Variants in TOGARAM2 observed in about 807,000 individuals in gnomAD.
TOGARAM2 encodes the protein TOG array regulator of axonemal microtubules 2, also known as TOG array regulator of axonemal microtubules protein 2.
In TOGARAM2, 85 loss-of-function variants were observed where a neutral mutation model predicts 93.3. The observed-to-expected ratio is 0.91, with a 90% confidence interval of 0.76 to 1.09. The LOEUF is 1.09. TOGARAM2 is among the 50% of genes least tolerant of loss of function. TOGARAM2 has a pLI of 0.00. For synonymous variants in TOGARAM2, 593 were observed against 552.8 expected, an observed-to-expected ratio of 1.07 and a Z score of -1.02; for missense variants, 1,277 against 1,334.5, an observed-to-expected ratio of 0.96 and a Z score of 0.67.
chr2:29,023,194 GA>G lies in TOGARAM2; in HGVS notation c.1617+4del. 6.3e-7 allele frequency: 1 copy of G among 1,577,400 alleles called. No homozygotes were observed. On this transcript the variant is annotated splice_donor_region_variant and intron_variant, in intron 12 of 19. Coordinates refer to ENST00000379558, the MANE Select transcript of TOGARAM2 (RefSeq NM_199280.4). ...TGTGCTTGGTGGTGACTGGGGAGGT[GA>G]GGCCCCCCAGCCTGTGTGCTGTGCA...
Position 29,036,755 on chromosome 2 carries a change from T to A in TOGARAM2, c.2633T>A (p.Leu878Gln). The A allele has an allele frequency of 1.2e-6, 2 of 1,611,842 alleles. No individual in the cohort carries two copies. Among genetic ancestry groups the A allele is most frequent in the South Asian group, 2.2e-5 (2 of 90,586 alleles). ...VAVLDAMVES[L>Q]DNLCLLPALA... ...GTGCTGGATGCGATGGTTGAGAGCCTGGGTGAGTGTCCCACGTGGGCCTGT... is the reference window on the plus strand; with the variant it reads ...GTGCTGGATGCGATGGTTGAGAGCCAGGGTGAGTGTCCCACGTGGGCCTGT... The change falls in exon 18 of 20, where the codon CTG becomes CAG. Residue 878 changes from leucine (L) to glutamine (Q), a missense_variant and splice_region_variant. Coordinates refer to ENST00000379558, the MANE Select transcript of TOGARAM2 (RefSeq NM_199280.4).
At chr2:29,036,511 A>G (rs1351368030) in intron 17 of TOGARAM2, 30 bp from the exon 18 acceptor site, 5 of 1,612,120 alleles carry the variant, frequency 3.1e-6, no homozygotes, top group East Asian at 2.2e-5. Context: ...CTGGGTTCCC[A>G]TGGGCTCTTG....
At chr2:28,958,437 C>G (rs1480493805) in intron 1 of TOGARAM2, among the ~76,000 whole-genome samples, 1 of 151,978 alleles carries the variant, frequency 6.6e-6, no homozygotes, top group Non-Finnish European at 1.5e-5. Context: ...TCCCGAGTAG[C>G]TGGGACTATG....
At chr2:29,035,756 C>G in intron 17 of TOGARAM2, 100 bp downstream of exon 17, 1 of 1,172,296 alleles carries the variant, frequency 8.5e-7, no homozygotes, top group South Asian at 3.2e-5. Flanking sequence ...TGTCAGACCC[C>G]TTGCTATGCA....
chr2:29,008,657 A>G (rs775620812), intron 6 of TOGARAM2, among the ~76,000 whole-genome samples: 2 of 151,912 alleles, frequency 1.3e-5, no homozygotes, highest in Non-Finnish European at 2.9e-5. Flanking sequence ...GGCTTTCACC[A>G]TGTTGCCCAG....
At chr2:29,009,648 C>T (rs575719082) in intron 6 of TOGARAM2, among the ~76,000 whole-genome samples, 6 of 152,208 alleles carry the variant, frequency 3.9e-5, no homozygotes, top group African/African-American at 1.2e-4. Flanking sequence ...TACTGGCACC[C>T]TTCTTGGAGA....
Position 29,003,568 on chromosome 2 carries a change from C to A in TOGARAM2, c.716C>A (p.Pro239His). 2 of 1,595,964 alleles carry A rather than the reference C, an allele frequency of 1.3e-6. No individual in the cohort carries two copies. The highest frequency in any genetic ancestry group is 2.3e-5 in the South Asian group (2 of 87,664). ...QKSLGAIVIP[P>H]IPKARTVAAT... ...TCCCTGGGCGCCATCGTGATCCCAC[C>A]CATCCCAAAGGCCAGGACGGTTGCA... Residue 239 changes from proline to histidine, a missense_variant, in exon 6 of 20, where the codon CCC (proline) becomes CAC (histidine). Coordinates refer to ENST00000379558, the MANE Select transcript of TOGARAM2 (RefSeq NM_199280.4).
intron 1 of TOGARAM2, among the ~76,000 whole-genome samples, chr2:28,965,469 C>T (rs912489799): frequency 2.6e-5 from 4 of 152,272 alleles, no homozygotes; most frequent in South Asian, 2.1e-4. Context: ...TTATCATGTG[C>T]GTCGCCATGT....
intron 6 of TOGARAM2, 136 bp downstream of exon 6, chr2:29,003,818 C>G: frequency 1.2e-6 from 1 of 865,558 alleles, no homozygotes; most frequent in Non-Finnish European, 1.7e-6. Flanking sequence ...GGGCTGGGGG[C>G]TCCACCCATG....
At chr2:28,971,518 G>A (rs1002602030) in intron 1 of TOGARAM2, among the ~76,000 whole-genome samples, 18 of 152,176 alleles carry the variant, frequency 1.2e-4, no homozygotes, top group African/African-American at 4.3e-4. Context: ...AGCCGGTAAT[G>A]TATAGTCTCT....
intron 1 of TOGARAM2, among the ~76,000 whole-genome samples, chr2:28,963,731 A>T (rs1397168825): frequency 6.6e-6 from 1 of 152,082 alleles, no homozygotes; most frequent in African/African-American, 2.4e-5. Context: ...TACCTGGCCG[A>T]ATGCGGTGGC....
At chr2:28,957,383 G>A (rs544388745) in intron 1 of TOGARAM2, among the ~76,000 whole-genome samples, 333 of 152,214 alleles carry the variant, frequency 2.2e-3, no homozygotes, top group African/African-American at 7.5e-3. Context: ...GTTTCGCCAT[G>A]TTGGCCAGGC....
At chr2:29,005,492 TG>T (rs1673688017) in intron 6 of TOGARAM2, among the ~76,000 whole-genome samples, 1 of 41,936 alleles carries the variant, frequency 2.4e-5, no homozygotes, top group African/African-American at 4.8e-5. Flanking sequence ...TGTGCATGTG[TG>T]TGAGTGCATG....
At chr2:29,017,750 A>G in intron 9 of TOGARAM2, 42 bp from the exon 10 acceptor site, 3 of 1,531,550 alleles carry the variant, frequency 2.0e-6, no homozygotes, top group Non-Finnish European at 2.6e-6. Flanking sequence ...GGCCAGGGGA[A>G]AACAGACCTG....
At chr2:29,015,185 A>T (rs1664486368) in intron 8 of TOGARAM2, among the ~76,000 whole-genome samples, 3 of 142,048 alleles carry the variant, frequency 2.1e-5, no homozygotes. Context: ...TCTGTTAGAG[A>T]CTGGGTGACT....
chr2:29,036,527 T>G lies in TOGARAM2; in HGVS notation c.2419-14T>G, dbSNP rs750550479. On this transcript the variant is annotated splice_polypyrimidine_tract_variant and intron_variant, in intron 17 of 19. Transcript: ENST00000379558. Reference sequence around the variant, plus strand: ...TGGGTTCCCATGGGCTCTTGGTTTCTGTTTCTTCAATAGGTCTTTGATGCT... The same window carrying G: ...TGGGTTCCCATGGGCTCTTGGTTTCGGTTTCTTCAATAGGTCTTTGATGCT... 13 of 1,613,722 alleles carry G rather than the reference T, an allele frequency of 8.1e-6. No individual in the cohort carries two copies. The highest frequency in any genetic ancestry group is 1.1e-5 in the South Asian group (1 of 91,074).
At position 29,051,801 on chromosome 2, in the gene TOGARAM2, G is replaced by A. The variant is rs201289296; in HGVS notation, c.2768G>A (p.Arg923Gln). ...VYPRKPQAVERHVLPILWHFL... is the reference protein window; with the variant it reads ...VYPRKPQAVEQHVLPILWHFL... Reference sequence around the variant, plus strand: ...CCCCGGAAGCCTCAAGCTGTAGAGCGGCATGTCCTTCCCATCCTCTGGCAC... The same window carrying A: ...CCCCGGAAGCCTCAAGCTGTAGAGCAGCATGTCCTTCCCATCCTCTGGCAC... The change falls in exon 20 of 20, where the codon CGG (arginine) becomes CAG (glutamine). Residue 923 changes from arginine (R) to glutamine (Q), a missense_variant. Physicochemically the swap from Arg to Gln is conservative, Grantham distance 43. Transcript: ENST00000379558. 8 of 1,555,030 alleles carry A rather than the reference G, an allele frequency of 5.1e-6. No homozygotes were observed. Among genetic ancestry groups the A allele is most frequent in the Admixed American group, 3.8e-5 (2 of 52,470 alleles).
At chr2:28,999,577 C>CA in intron 4 of TOGARAM2, 109 bp downstream of exon 4, 1 of 1,294,464 alleles carries the variant, frequency 7.7e-7, no homozygotes, top group Non-Finnish European at 1.0e-6. Context: ...GCTGGGATGC[C>CA]CTGGGGGTGA....
chr2:29,011,414 G>A (rs1163169914), intron 6 of TOGARAM2, 41 bp from the exon 7 acceptor site: 3 of 1,603,734 alleles, frequency 1.9e-6, no homozygotes, highest in East Asian at 2.3e-5. Context: ...TCTCTGGCTG[G>A]CCATCCCTCA....
Sources: gnomAD v4.1 joint callset for allele counts (sites outside exome capture counted in the v4.1 genomes callset) on GRCh38, gnomAD v4.1.1 for gene constraint, MANE v1.5 for transcripts, NCBI Gene and HGNC (gene_info 2026-07-23, HGNC 2026-07-21) for gene names.